ZNF804B: variants seen among roughly 807,000 people sequenced by gnomAD.
ZNF804B encodes zinc finger 804B.
A neutral mutation model predicts 101.4 loss-of-function variants in ZNF804B; 80 were observed. The ratio of observed to expected loss-of-function variants is 0.79; its 90% CI spans 0.66 to 0.95. The LOEUF is 0.95. ZNF804B is among the 40% of genes least tolerant of loss of function. The pLI, the probability that ZNF804B is intolerant of heterozygous loss-of-function variation, is 0.00. For missense variants in ZNF804B, 1,673 were observed against 1,561.9 expected (o/e 1.07, Z -1.20); for synonymous variants, 622 against 558.8 (o/e 1.11, Z -1.59).
At chr7:89,229,734 A>C (rs1789159261) in intron 2 of ZNF804B, among the ~76,000 whole-genome samples, 1 of 152,220 alleles carries the variant, frequency 6.6e-6, no homozygotes, top group African/African-American at 2.4e-5. Context: ...TATCTATAGA[A>C]TACTTCATCC....
rs1789853089 is a variant in ZNF804B at position 89,269,655 on chromosome 7, G to A, written c.249+51360G>A. On this transcript the variant is annotated intron_variant, in intron 2 of 3. Coordinates refer to ENST00000333190, the MANE Select transcript of ZNF804B (RefSeq NM_181646.5). Reference sequence around the variant, plus strand: ...AATCGCCACACTGACTTCCACAATGGTTGAACTAGTTTACAGTCCCACCAA... The same window carrying A: ...AATCGCCACACTGACTTCCACAATGATTGAACTAGTTTACAGTCCCACCAA... 5.3e-5 allele frequency among the ~76,000 whole-genome samples: 8 copies of A among 152,252 alleles called. No homozygotes were observed. In the South Asian group the frequency reaches 1.7e-3, roughly 32 times the overall value.
At chr7:88,945,573 G>A (rs1793116149) in intron 1 of ZNF804B, among the ~76,000 whole-genome samples, 2 of 139,650 alleles carry the variant, frequency 1.4e-5, no homozygotes, top group South Asian at 2.4e-4. Flanking sequence ...GGCTATATGG[G>A]CTCTGTTTTG....
chr7:89,007,531 TATTATA>T (rs796761209), intron 1 of ZNF804B, among the ~76,000 whole-genome samples: 12 of 55,548 alleles, frequency 2.2e-4, no homozygotes, highest in Non-Finnish European at 3.2e-4. Flanking sequence ...ATAATATATC[TATTATA>T]ATTATATATA....
intron 1 of ZNF804B, among the ~76,000 whole-genome samples, chr7:88,991,273 A>G (rs1414986910): frequency 6.6e-6 from 1 of 152,284 alleles, no homozygotes; most frequent in East Asian, 1.9e-4. Context: ...GCCTCAAGAT[A>G]TTGATTTCCC....
At chr7:89,229,400 C>T (rs1233077663) in intron 2 of ZNF804B, among the ~76,000 whole-genome samples, 1 of 152,166 alleles carries the variant, frequency 6.6e-6, no homozygotes, top group Admixed American at 6.5e-5. Context: ...TGAATACTAG[C>T]TGGAAGAGCA....
chr7:88,814,556 T>C (rs900225671), intron 1 of ZNF804B, among the ~76,000 whole-genome samples: 5 of 151,976 alleles, frequency 3.3e-5, no homozygotes, highest in African/African-American at 1.2e-4. Flanking sequence ...GAGACTCAGT[T>C]GAGGCAACTT....
intron 2 of ZNF804B, among the ~76,000 whole-genome samples, chr7:89,257,545 C>T (rs1041187651): frequency 2.0e-5 from 3 of 152,000 alleles, no homozygotes; most frequent in African/African-American, 7.2e-5. Flanking sequence ...TAAAAGGAGT[C>T]ACTACTCTTT....
At chr7:89,100,428 A>C (rs987889280) in intron 1 of ZNF804B, among the ~76,000 whole-genome samples, 3 of 152,144 alleles carry the variant, frequency 2.0e-5, no homozygotes, top group African/African-American at 4.8e-5. Flanking sequence ...GTACTACCCC[A>C]AAAACACAGG....
At chr7:89,156,925 C>A (rs939485006) in intron 1 of ZNF804B, among the ~76,000 whole-genome samples, 12 of 152,042 alleles carry the variant, frequency 7.9e-5, no homozygotes, top group African/African-American at 2.9e-4. Context: ...AACTTGATAA[C>A]CAGTGAGGGA....
At chr7:89,328,511 C>CA (rs1268879848) in intron 3 of ZNF804B, among the ~76,000 whole-genome samples, 2 of 151,946 alleles carry the variant, frequency 1.3e-5, no homozygotes, top group South Asian at 4.1e-4. Context: ...GGGTCTTATA[C>CA]AACTCTAGAA....
At chr7:88,999,568 A>G (rs1314552156) in intron 1 of ZNF804B, among the ~76,000 whole-genome samples, 1 of 151,994 alleles carries the variant, frequency 6.6e-6, no homozygotes, top group Non-Finnish European at 1.5e-5. Context: ...ACAAAAATTA[A>G]TTGTAATCAG....
chr7:89,116,075 T>TA (rs72426112), intron 1 of ZNF804B, among the ~76,000 whole-genome samples: 14,420 of 127,336 alleles, frequency 0.11, 748 homozygotes, highest in Middle Eastern at 0.17. Context: ...CAGTTATTAT[T>TA]TTTTTTTTTT....
intron 1 of ZNF804B, among the ~76,000 whole-genome samples, chr7:88,973,524 G>A (rs940476565): frequency 6.6e-6 from 1 of 150,390 alleles, no homozygotes; most frequent in African/African-American, 2.4e-5. Flanking sequence ...TTTCTAGCTA[G>A]CAATGTTCTC....
chr7:88,836,501 T>A (rs1038817344), intron 1 of ZNF804B, among the ~76,000 whole-genome samples: 44 of 152,012 alleles, frequency 2.9e-4, no homozygotes, highest in African/African-American at 8.7e-4. Context: ...TCAGATAGAG[T>A]TCTATTTTTA....
intron 2 of ZNF804B, among the ~76,000 whole-genome samples, chr7:89,301,861 G>A (rs1790479833): frequency 6.6e-6 from 1 of 151,822 alleles, no homozygotes; most frequent in Non-Finnish European, 1.5e-5. Context: ...ACTTTATGAT[G>A]TTGCACTAAA....
At chr7:89,182,129 G>C (rs925146882) in intron 1 of ZNF804B, among the ~76,000 whole-genome samples, 5 of 152,052 alleles carry the variant, frequency 3.3e-5, no homozygotes, top group Non-Finnish European at 7.4e-5. Flanking sequence ...ATTACAAAGA[G>C]GTATGCTACC....
At chr7:88,895,872 A>G (rs1792275870) in intron 1 of ZNF804B, among the ~76,000 whole-genome samples, 1 of 152,228 alleles carries the variant, frequency 6.6e-6, no homozygotes, top group South Asian at 2.1e-4. Flanking sequence ...ACATTATTGA[A>G]TAATTAAACA....
At chr7:89,287,668 A>G (rs551846499) in intron 2 of ZNF804B, among the ~76,000 whole-genome samples, 1 of 152,184 alleles carries the variant, frequency 6.6e-6, no homozygotes, top group East Asian at 1.9e-4. Flanking sequence ...GTGAGATTCC[A>G]TAGTACTAGA....
intron 1 of ZNF804B, 85 bp downstream of exon 1, chr7:88,760,169 C>T: frequency 1.8e-6 from 2 of 1,123,392 alleles, no homozygotes; most frequent in Non-Finnish European, 1.3e-6. Context: ...TATCCTGATA[C>T]AATGAGTAGG....
Sources: allele counts gnomAD v4.1 joint callset (sites outside exome capture counted in the v4.1 genomes callset), GRCh38; gene constraint gnomAD v4.1.1; transcripts MANE v1.5; gene names NCBI Gene and HGNC (gene_info 2026-07-23, HGNC 2026-07-21).